Variants in GABRB1 observed in about 807,000 individuals in gnomAD.
The protein encoded by GABRB1 is gamma-aminobutyric acid receptor subunit beta-1.
Under a neutral mutation model 51.6 loss-of-function variants are expected in GABRB1, and 17 were observed. The observed-to-expected ratio is 0.33, with a 90% CI of 0.23 to 0.49. The LOEUF (loss-of-function observed/expected upper bound fraction) is 0.49, where lower values mean the gene tolerates loss of function less well. Among genes scored for constraint, GABRB1 ranks in the 20% least tolerant of loss-of-function variants. GABRB1 has a pLI of 0.99. For missense variants in GABRB1, 410 were observed against 600.6 expected (o/e 0.68, Z 3.32); for synonymous variants, 247 against 218.9 (o/e 1.13, Z -1.14).
chr4:47,109,565 G>T, intron 3 of GABRB1, among the ~76,000 whole-genome samples: 1 of 152,040 alleles, frequency 6.6e-6, no homozygotes, highest in East Asian at 1.9e-4. Flanking sequence ...CTGCAAGGGA[G>T]ACCTATAGGT....
At chr4:47,025,707 G>T (rs560056955) in intron 1 of GABRB1, among the ~76,000 whole-genome samples, 2 of 152,006 alleles carry the variant, frequency 1.3e-5, no homozygotes, top group East Asian at 1.9e-4. Context: ...CAGAGTAAAA[G>T]AAGTTTTTTT....
intron 4 of GABRB1, among the ~76,000 whole-genome samples, chr4:47,309,246 C>T (rs943621198): frequency 6.9e-6 from 1 of 144,422 alleles, no homozygotes; most frequent in African/African-American, 2.6e-5. Flanking sequence ...GTTCTATTCC[C>T]TATTAATCCT....
At chr4:47,167,529 T>A (rs1718240322) in intron 4 of GABRB1, among the ~76,000 whole-genome samples, 1 of 152,116 alleles carries the variant, frequency 6.6e-6, no homozygotes, top group South Asian at 2.1e-4. Context: ...CAGGGCCAGG[T>A]GGTTTTGAGG....
At chr4:47,021,769 G>A (rs529098367) in intron 1 of GABRB1, among the ~76,000 whole-genome samples, 5 of 152,090 alleles carry the variant, frequency 3.3e-5, no homozygotes, top group African/African-American at 1.2e-4. Context: ...GTCTTGTTAT[G>A]TCTAAGCTAT....
intron 4 of GABRB1, among the ~76,000 whole-genome samples, chr4:47,220,377 A>T (rs142486625): frequency 6.6e-6 from 1 of 151,856 alleles, no homozygotes; most frequent in East Asian, 1.9e-4. Flanking sequence ...TCCCTGTTCC[A>T]TGAAGGCAGT....
At chr4:47,074,551 A>G (rs1727471560) in intron 3 of GABRB1, among the ~76,000 whole-genome samples, 1 of 152,214 alleles carries the variant, frequency 6.6e-6, no homozygotes, top group Non-Finnish European at 1.5e-5. Flanking sequence ...AAAATACATC[A>G]TGGATATAAA....
chr4:47,360,709 T>C (rs867466833), intron 5 of GABRB1, among the ~76,000 whole-genome samples: 1 of 152,064 alleles, frequency 6.6e-6, no homozygotes, highest in Non-Finnish European at 1.5e-5. Flanking sequence ...TTCTTTAGAA[T>C]CTGAATTTGG....
chr4:47,019,903 T>TATGTAA, intron 1 of GABRB1, among the ~76,000 whole-genome samples: 1 of 147,732 alleles, frequency 6.8e-6, no homozygotes, highest in East Asian at 2.0e-4. Flanking sequence ...TGTATATGTA[T>TATGTAA]ATGTATATGT....
chr4:47,386,864 A>G (rs1727811521), intron 5 of GABRB1, among the ~76,000 whole-genome samples: 1 of 152,198 alleles, frequency 6.6e-6, no homozygotes, highest in African/African-American at 2.4e-5. Context: ...AAATAAGTCT[A>G]ACAGACCTTA....
At chr4:47,288,972 C>G (rs1054074970) in intron 4 of GABRB1, among the ~76,000 whole-genome samples, 1 of 152,050 alleles carries the variant, frequency 6.6e-6, no homozygotes, top group South Asian at 2.1e-4. Flanking sequence ...TATTTACTAG[C>G]ATGGCACCTT....
chr4:47,332,719 T>C (rs1005612984), intron 5 of GABRB1, among the ~76,000 whole-genome samples: 16 of 152,034 alleles, frequency 1.1e-4, no homozygotes, highest in Non-Finnish European at 1.5e-4. Context: ...AAGGTTGCCA[T>C]GCATTGTTTT....
intron 5 of GABRB1, among the ~76,000 whole-genome samples, chr4:47,320,561 C>T (rs1578092022): frequency 6.6e-6 from 1 of 152,130 alleles, no homozygotes; most frequent in Non-Finnish European, 1.5e-5. Flanking sequence ...ATCTGTTGAC[C>T]TAAACTATTG....
intron 3 of GABRB1, among the ~76,000 whole-genome samples, chr4:47,079,344 G>T (rs995840345): frequency 6.6e-6 from 1 of 151,890 alleles, no homozygotes; most frequent in African/African-American, 2.4e-5. Flanking sequence ...ATCTTGGGAG[G>T]GTGTATGTGT....
Position 47,426,009 on chromosome 4 carries a change from T to C in GABRB1, c.1416T>C (p.Tyr472=), listed in dbSNP as rs770680492. ...SLFNVVYWLY[Y]VH ...TTAATGTCGTCTATTGGCTTTACTATGTACACTGAGGTCTGTTCTAATGGT... is the reference window on the plus strand; with the variant it reads ...TTAATGTCGTCTATTGGCTTTACTACGTACACTGAGGTCTGTTCTAATGGT... Residue 472 remains tyrosine, a synonymous_variant, in exon 9 of 9, where the codon TAT becomes TAC. Transcript: ENST00000295454. The C allele has an allele frequency of 5.0e-6, 8 of 1,588,678 alleles. No homozygotes were observed. The highest frequency in any genetic ancestry group is 6.9e-6 in the Non-Finnish European group (8 of 1,165,596).
At chr4:47,368,106 C>G (rs1373501062) in intron 5 of GABRB1, among the ~76,000 whole-genome samples, 1 of 152,312 alleles carries the variant, frequency 6.6e-6, no homozygotes, top group East Asian at 1.9e-4. Context: ...TATATCTCTA[C>G]TACCATCCAG....
chr4:47,193,387 T>C (rs1311707949), intron 4 of GABRB1, among the ~76,000 whole-genome samples: 1 of 152,170 alleles, frequency 6.6e-6, no homozygotes. Context: ...CCTCCTAAAG[T>C]GGAATTACAG....
chr4:47,140,234 T>A (rs1230065943), intron 3 of GABRB1, among the ~76,000 whole-genome samples: 1 of 151,862 alleles, frequency 6.6e-6, no homozygotes, highest in Non-Finnish European at 1.5e-5. Context: ...AATTTTACAA[T>A]ATAAAACATT....
intron 3 of GABRB1, among the ~76,000 whole-genome samples, chr4:47,054,752 T>A (rs1560513641): frequency 6.6e-6 from 1 of 152,046 alleles, no homozygotes; most frequent in Non-Finnish European, 1.5e-5. Flanking sequence ...CCAGCTAATT[T>A]TTTTGTATTT....
chr4:47,411,130 A>G (rs1371957732), intron 8 of GABRB1, among the ~76,000 whole-genome samples: 2 of 152,226 alleles, frequency 1.3e-5, no homozygotes, highest in East Asian at 3.8e-4. Context: ...AACATTTGTC[A>G]ACAGAAACAG....
Sources: allele counts gnomAD v4.1 joint callset (sites outside exome capture counted in the v4.1 genomes callset), GRCh38; gene constraint gnomAD v4.1.1; transcripts MANE v1.5; gene names NCBI Gene and HGNC (gene_info 2026-07-23, HGNC 2026-07-21).